LRTM3: variants seen among roughly 807,000 people sequenced by gnomAD.
LRTM3 encodes leucine rich repeat transmembrane protein 3.
At chr13:102,744,647 G>C in the LRTM3 span, 1 of 1,550,782 alleles carries the variant, frequency 6.4e-7, no homozygotes, top group Non-Finnish European at 8.7e-7. Flanking sequence ...TGATTTGCAA[G>C]GGTCAGGATC....
chr13:102,730,166 G>C, the LRTM3 span: 1 of 1,550,272 alleles, frequency 6.5e-7, no homozygotes, highest in Non-Finnish European at 8.7e-7. Flanking sequence ...GCACTCTCTA[G>C]TACAATGGGA....
the LRTM3 span, chr13:102,747,457 T>A: frequency 1.3e-6 from 2 of 1,549,000 alleles, no homozygotes; most frequent in Non-Finnish European, 1.7e-6. Context: ...GTACACTTTT[T>A]GTTTCTGATA....
the LRTM3 span, chr13:102,734,109 T>G: frequency 6.4e-7 from 1 of 1,551,438 alleles, no homozygotes; most frequent in Non-Finnish European, 8.7e-7. Context: ...TTGTTAATAT[T>G]CAACACTAAT....
the LRTM3 span, chr13:102,737,607 C>T: frequency 8.4e-6 from 13 of 1,550,532 alleles, no homozygotes; most frequent in African/African-American, 1.4e-5. Flanking sequence ...TGTGAAAGTG[C>T]CTTCTTTCCT....
At chr13:102,758,861 T>C in the LRTM3 span, 7 of 1,550,258 alleles carry the variant, frequency 4.5e-6, no homozygotes, top group African/African-American at 1.4e-5. Context: ...GAAAGTCCCA[T>C]AATGTCATGA....
the LRTM3 span, chr13:102,732,917 A>G: frequency 1.3e-6 from 2 of 1,551,340 alleles, no homozygotes; most frequent in African/African-American, 2.7e-5. Context: ...TTGAAATTGA[A>G]AAGTCCAGGG....
the LRTM3 span, chr13:102,735,964 A>G: frequency 1.2e-5 from 18 of 1,548,890 alleles, no homozygotes; most frequent in Admixed American, 3.1e-4. Context: ...CATTGCATAG[A>G]AGTGCAAGTG....
the LRTM3 span, among the ~76,000 whole-genome samples, chr13:102,757,492 C>T: frequency 6.6e-6 from 1 of 152,190 alleles, no homozygotes; most frequent in Non-Finnish European, 1.5e-5. Flanking sequence ...GACCTGACTC[C>T]TACCTACCTC....
At chr13:102,758,553 G>T in the LRTM3 span, 1 of 1,547,766 alleles carries the variant, frequency 6.5e-7, no homozygotes, top group Non-Finnish European at 8.7e-7. Context: ...CAAGTTTCCT[G>T]CTTTTGGGGC....
the LRTM3 span, chr13:102,739,309 T>C: frequency 2.8e-5 from 43 of 1,549,304 alleles, no homozygotes; most frequent in East Asian, 8.3e-4. Context: ...CTATATTTTC[T>C]CTATCTTCCT....
chr13:102,739,621 G>T, the LRTM3 span: 1 of 1,550,308 alleles, frequency 6.5e-7, no homozygotes, highest in Non-Finnish European at 8.7e-7. Context: ...CCTTTATACT[G>T]AGTATATGTG....
chr13:102,732,222 G>A, the LRTM3 span: 2 of 1,551,290 alleles, frequency 1.3e-6, no homozygotes, highest in Admixed American at 3.9e-5. Context: ...TTTGTCTTAG[G>A]GTCAGTGTGA....
chr13:102,735,725 T>C, the LRTM3 span: 4 of 1,550,498 alleles, frequency 2.6e-6, no homozygotes, highest in Admixed American at 5.9e-5. Context: ...ATGCAGTGAC[T>C]CAGTATATGC....
chr13:102,737,708 T>G, the LRTM3 span: 10 of 1,550,906 alleles, frequency 6.4e-6, no homozygotes, highest in African/African-American at 1.4e-5. Flanking sequence ...ATCTTTTGCT[T>G]TTTGTACTTC....
At chr13:102,730,571 G>C in the LRTM3 span, 1 of 1,551,796 alleles carries the variant, frequency 6.4e-7, no homozygotes, top group Non-Finnish European at 8.7e-7. Context: ...TTTCTTCCTC[G>C]GGCTGTGCAG....
At chr13:102,740,084 A>G in the LRTM3 span, 3 of 1,549,468 alleles carry the variant, frequency 1.9e-6, no homozygotes, top group African/African-American at 1.4e-5. Flanking sequence ...ATGTAATGTT[A>G]TAGGCAGACA....
the LRTM3 span, chr13:102,730,727 T>C: frequency 1.9e-6 from 3 of 1,551,720 alleles, no homozygotes; most frequent in Non-Finnish European, 2.6e-6. Flanking sequence ...TCCACCAGCA[T>C]TTACGTTTTT....
chr13:102,749,519 C>T, the LRTM3 span: 2 of 1,551,386 alleles, frequency 1.3e-6, no homozygotes, highest in Non-Finnish European at 1.7e-6. Context: ...TTGGTCCTCA[C>T]CTAAGTGTTC....
the LRTM3 span, chr13:102,730,981 A>C: frequency 6.4e-7 from 1 of 1,551,354 alleles, no homozygotes; most frequent in Admixed American, 2.0e-5. Context: ...TCATTGCATA[A>C]GATTCTCTTA....
Sources: allele counts gnomAD v4.1 joint callset (sites outside exome capture counted in the v4.1 genomes callset), GRCh38; gene constraint gnomAD v4.1.1; transcripts MANE v1.5; gene names NCBI Gene and HGNC (gene_info 2026-07-23, HGNC 2026-07-21).